Variants in HMCN1 observed in about 807,000 individuals in gnomAD.
The protein encoded by HMCN1 is hemicentin 1.
In HMCN1, 321 loss-of-function variants were observed where a neutral mutation model predicts 625.9. That is an observed-to-expected ratio of 0.51 (90% CI 0.47 to 0.56). The LOEUF is 0.56. Ranked by LOEUF, HMCN1 falls within the 20% of genes least tolerant of loss-of-function variation. HMCN1 has a pLI of 0.00. For missense variants in HMCN1, 6,588 were observed against 6,887.3 expected, an observed-to-expected ratio of 0.96 and a Z score of 1.54; for synonymous variants, 2,425 against 2,417.6, an observed-to-expected ratio of 1.00 and a Z score of -0.09.
chr1:186,040,574 A>G (rs1656138722), intron 39 of HMCN1, among the ~76,000 whole-genome samples: 1 of 152,162 alleles, frequency 6.6e-6, no homozygotes. Flanking sequence ...AATACAACTG[A>G]ATCCATGGGA....
intron 16 of HMCN1, 136 bp downstream of exon 16, chr1:185,978,117 A>T: frequency 1.5e-6 from 1 of 650,708 alleles, no homozygotes; most frequent in Non-Finnish European, 2.6e-6. Flanking sequence ...TTTTACTTTG[A>T]AATAGTACTG....
rs1188720054 is a variant in HMCN1, at chr1:185,965,885, A to G, written c.2182A>G (p.Ile728Val). 1.2e-6 allele frequency: 2 copies of G among 1,604,138 alleles called. No individual in the cohort carries two copies. Among genetic ancestry groups the G allele is most frequent in the Admixed American group, 1.7e-5 (1 of 59,950 alleles). ...CGTTATGGAATGCAAAACCTCTGGT[A>G]TTCCTCCACCTCAAGTTAAATGGTT... ...ITVMECKTSG[I>V]PPPQVKWFKG... Residue 728 changes from isoleucine to valine, a missense_variant, in exon 14 of 107, where the codon ATT (isoleucine) becomes GTT (valine). Coordinates refer to ENST00000271588, the MANE Select transcript of HMCN1 (RefSeq NM_031935.3).
intron 1 of HMCN1, among the ~76,000 whole-genome samples, chr1:185,841,975 G>C (rs1661504475): frequency 6.6e-6 from 1 of 152,144 alleles, no homozygotes; most frequent in Non-Finnish European, 1.5e-5. Flanking sequence ...AAAGAAATCA[G>C]TATGAATAAA....
At chr1:185,996,971 T>C (rs1652835424) in intron 24 of HMCN1, among the ~76,000 whole-genome samples, 1 of 152,078 alleles carries the variant, frequency 6.6e-6, no homozygotes. Flanking sequence ...AGAATATCAA[T>C]CTAAAGGGGA....
At chr1:185,791,450 C>T (rs772545582) in intron 1 of HMCN1, among the ~76,000 whole-genome samples, 12 of 151,810 alleles carry the variant, frequency 7.9e-5, no homozygotes, top group African/African-American at 1.9e-4. Flanking sequence ...CTGGGCACGG[C>T]GGCTGACAAT....
intron 81 of HMCN1, among the ~76,000 whole-genome samples, chr1:186,124,064 T>A (rs1381822542): frequency 1.3e-5 from 2 of 152,130 alleles, no homozygotes; most frequent in African/African-American, 4.8e-5. Flanking sequence ...AACTAATCAA[T>A]ATACACTATC....
chr1:186,120,188 G>C (rs1661335743), intron 80 of HMCN1, 43 bp downstream of exon 80: 1 of 1,593,954 alleles, frequency 6.3e-7, no homozygotes, highest in Non-Finnish European at 8.6e-7. Context: ...AAAGATGTTT[G>C]TAACAATGTC....
chr1:186,097,240 C>A (rs373345013), intron 68 of HMCN1, among the ~76,000 whole-genome samples: 1 of 152,246 alleles, frequency 6.6e-6, no homozygotes, highest in East Asian at 1.9e-4. Flanking sequence ...TTGCCAACAG[C>A]AAATTGTCTG....
At chr1:186,046,513 C>G (rs1656587225) in intron 41 of HMCN1, among the ~76,000 whole-genome samples, 1 of 151,926 alleles carries the variant, frequency 6.6e-6, no homozygotes, top group South Asian at 2.1e-4. Context: ...TCTTCATGTC[C>G]TTGATGTCTT....
Position 186,000,174 on chromosome 1 carries a change from A to G in HMCN1, c.4004A>G (p.Glu1335Gly). 1 of 1,612,846 alleles carries G rather than the reference A, an allele frequency of 6.2e-7. No individual in the cohort carries two copies. The highest frequency in any genetic ancestry group is 8.5e-7 in the Non-Finnish European group (1 of 1,179,122). ...IASVTPYDNG[E>G]YICVAVNEAG... ...TCTGTTACACCCTATGACAATGGGG[A>G]GTACATCTGTGTGGCAGTCAATGAA... Residue 1335 changes from glutamate to glycine, a missense_variant, in exon 26 of 107, where the codon GAG becomes GGG. Glu to Gly is a moderately conservative substitution (Grantham distance 98). Around this residue, in one of 3 missense-constraint regions of HMCN1, gnomAD observed 4,628 missense variants for 4,853.1 expected, o/e 0.95. Coordinates refer to ENST00000271588, the MANE Select transcript of HMCN1 (RefSeq NM_031935.3).
chr1:185,854,915 C>A (rs1475617851), intron 2 of HMCN1, among the ~76,000 whole-genome samples: 1 of 152,064 alleles, frequency 6.6e-6, no homozygotes, highest in Non-Finnish European at 1.5e-5. Flanking sequence ...CATTAACTAG[C>A]TAATAACAAA....
At position 185,897,372 on chromosome 1, in the gene HMCN1, TG is replaced by T. The variant is rs368187366; in HGVS notation, c.622-11964del. Among the ~76,000 whole-genome samples, 21 of 152,296 alleles carry T rather than the reference TG, an allele frequency of 1.4e-4. No individual in the cohort carries two copies. In the East Asian group the frequency reaches 1.7e-3, roughly 13 times the overall value. ...TAAATACAAACTTGATGTAACATCC[TG>T]TTTCTGAACTCCTTCAGTGACTTCC... On this transcript the variant is annotated intron_variant, in intron 4 of 106. Transcript: ENST00000271588.
At position 185,911,503 on chromosome 1, in the gene HMCN1, C is replaced by A. The variant is rs577339343; in HGVS notation, c.794-171C>A. ...AATTGAATGTGTTTTATTTTAGCCA[C>A]AGAACAGAAAATAAAGACTCTTTGG... On this transcript the variant is annotated intron_variant, in intron 5 of 106. Transcript: ENST00000271588. 5.3e-5 allele frequency among the ~76,000 whole-genome samples: 8 copies of A among 152,208 alleles called. No homozygotes were observed. In the South Asian group the frequency reaches 1.7e-3, roughly 32 times the overall value.
chr1:186,137,537 G>T lies in HMCN1; in HGVS notation c.13622G>T (p.Cys4541Phe), dbSNP rs763721755. ...GFSQWSAWRA[C>F]SVTCGKGIQK... ...TCCCAGTGGTCTGCATGGAGAGCCTGCAGTGTCACCTGTGGAAAAGGCATC... is the reference window on the plus strand; with the variant it reads ...TCCCAGTGGTCTGCATGGAGAGCCTTCAGTGTCACCTGTGGAAAAGGCATC... Residue 4541 changes from cysteine (C) to phenylalanine (F), a missense_variant, in exon 88 of 107, where the codon TGC (cysteine) becomes TTC (phenylalanine). By Grantham distance (205) the Cys-to-Phe change is radical. This residue lies in a region of HMCN1 where 1,954 missense variants were observed against 2,013.1 expected (regional missense o/e 0.97). Coordinates refer to ENST00000271588, the MANE Select transcript of HMCN1 (RefSeq NM_031935.3). 1 of 1,613,632 alleles carries T rather than the reference G, an allele frequency of 6.2e-7. No homozygotes were observed. Among genetic ancestry groups the T allele is most frequent in the African/African-American group, 1.3e-5 (1 of 74,916 alleles).
chr1:186,070,710 G>A lies in HMCN1; in HGVS notation c.8092G>A (p.Ala2698Thr), dbSNP rs1183940859. The A allele has an allele frequency of 1.2e-6, 2 of 1,613,876 alleles. No individual in the cohort carries two copies. The highest frequency in any genetic ancestry group is 8.5e-7 in the Non-Finnish European group (1 of 1,179,836). Residue 2698 changes from alanine (A) to threonine (T), a missense_variant, in exon 52 of 107, where the codon GCG becomes ACG. Physicochemically the swap from Ala to Thr is moderately conservative, Grantham distance 58. Coordinates refer to ENST00000271588, the MANE Select transcript of HMCN1 (RefSeq NM_031935.3). The part of the protein sequence containing the change: ...VNNTLTLECE[A>T]YAIPSASLSW... ...CAACACTCTGACCTTGGAATGTGAA[G>A]CGTATGCAATTCCTTCTGCCTCCCT...
chr1:186,122,987 T>C lies in HMCN1; in HGVS notation c.12266T>C (p.Val4089Ala), dbSNP rs1231401039. Residue 4089 changes from valine to alanine, a missense_variant, in exon 81 of 107, where the codon GTT (valine) becomes GCT (alanine). Coordinates refer to ENST00000271588, the MANE Select transcript of HMCN1 (RefSeq NM_031935.3). The part of the protein sequence containing the change: ...PVISPHLKEY[V>A]IAVDKPITLS... ...ATTAGCCCTCATCTAAAGGAATATG[T>C]TATTGCTGTGGACAAGCCCATCACG... 1.2e-6 allele frequency: 2 copies of C among 1,613,980 alleles called. No individual in the cohort carries two copies. The highest frequency in any genetic ancestry group is 4.5e-5 in the East Asian group (2 of 44,894).
At chr1:186,033,118 A>G (rs1655583783) in intron 36 of HMCN1, among the ~76,000 whole-genome samples, 1 of 151,946 alleles carries the variant, frequency 6.6e-6, no homozygotes, top group Non-Finnish European at 1.5e-5. Context: ...CTCAACCATA[A>G]AAAGGAATGA....
At chr1:186,167,076 T>A in intron 100 of HMCN1, 134 bp downstream of exon 100, 1 of 1,131,490 alleles carries the variant, frequency 8.8e-7, no homozygotes, top group Non-Finnish European at 1.3e-6. Context: ...TGAGGAGATA[T>A]CCAGCAAGAG....
intron 4 of HMCN1, among the ~76,000 whole-genome samples, chr1:185,888,521 A>G: frequency 7.0e-6 from 1 of 143,164 alleles, no homozygotes; most frequent in African/African-American, 2.9e-5. Context: ...TCAGCTTTCT[A>G]CATATGGCTA....
Sources: gnomAD v4.1 joint callset for allele counts (sites outside exome capture counted in the v4.1 genomes callset) on GRCh38, gnomAD v4.1.1 for gene constraint, gnomAD v4.1.1 regional missense constraint, MANE v1.5 for transcripts, NCBI Gene and HGNC (gene_info 2026-07-23, HGNC 2026-07-21) for gene names.